The following DMTN variants were observed in gnomAD, a reference collection of about 807,000 sequenced individuals.
DMTN encodes dematin.
DMTN carries 27 observed loss-of-function variants against 59.4 expected under a neutral mutation model. The ratio of observed to expected loss-of-function variants is 0.45; its 90% confidence interval spans 0.33 to 0.63. DMTN has a LOEUF of 0.63. Ranked by LOEUF, DMTN falls within the 20% of genes least tolerant of loss-of-function variation. The pLI, the probability that DMTN is intolerant of heterozygous loss-of-function variation, is 0.02. For missense variants in DMTN, 451 were observed against 528.9 expected (o/e 0.85, Z 1.45); for synonymous variants, 221 against 203.7 (o/e 1.08, Z -0.72).
chr8:22,081,277 G>C lies in DMTN; in HGVS notation c.1105-73G>C, dbSNP rs149871008. The C allele has an allele frequency of 3.1e-6, 5 of 1,594,168 alleles. No homozygotes were observed. In the African/African-American group the frequency reaches 6.7e-5, roughly 21 times the overall value. ...GGGGGAAGATCTGGGGCCTCTATGAGTGAGTGTCCCCTAGGTCACTGGGCA... is the reference window on the plus strand; with the variant it reads ...GGGGGAAGATCTGGGGCCTCTATGACTGAGTGTCCCCTAGGTCACTGGGCA... On this transcript the variant is annotated intron_variant, in intron 15 of 15. Coordinates refer to ENST00000358242, the MANE Select transcript of DMTN (RefSeq NM_001387751.1).
rs1024551884 is a variant in DMTN at position 22,069,940 on chromosome 8, G to A, written c.451+3G>A. On this transcript the variant is annotated splice_donor_region_variant and intron_variant, in intron 7 of 15. Transcript: ENST00000358242. The stretch of plus-strand genomic sequence containing the variant: ...GCCTCCCATCTATAAGCAGAGAGGT[G>A]AGGGCGCCCCTGGCTCACCAGAGCC... The A allele has an allele frequency of 1.2e-6, 2 of 1,614,134 alleles. No homozygotes were observed. The highest frequency in any genetic ancestry group is 1.7e-6 in the Non-Finnish European group (2 of 1,179,986).
chr8:22,073,790 C>T lies in DMTN; in HGVS notation c.790C>T (p.Arg264Ter), dbSNP rs1817674201. The T allele has an allele frequency of 5.6e-6, 9 of 1,613,960 alleles. No individual in the cohort carries two copies. The highest frequency in any genetic ancestry group is 7.6e-6 in the Non-Finnish European group (9 of 1,180,036). The change falls in exon 10 of 16, where the codon CGA becomes TGA. Residue 264 changes from arginine to a stop codon, truncating the protein, a stop_gained. Coordinates refer to ENST00000358242, the MANE Select transcript of DMTN (RefSeq NM_001387751.1). LOFTEE classifies it high-confidence loss of function. Reference sequence around the variant, plus strand: ...AGAGATGGAAAAGTCATTGCCGATCCGAAGGAAAACCCGCTCTCTGCCTGA... The same window carrying T: ...AGAGATGGAAAAGTCATTGCCGATCTGAAGGAAAACCCGCTCTCTGCCTGA... ...KEEMEKSLPI[R>*]RKTRSLPDRT...
intron 1 of DMTN, among the ~76,000 whole-genome samples, chr8:22,062,724 A>G (rs1424170661): frequency 1.3e-5 from 2 of 149,368 alleles, no homozygotes; most frequent in African/African-American, 5.0e-5. Context: ...TTCGAGCTGG[A>G]GGAAAAGCAC....
At position 22,082,329 on chromosome 8, in the gene DMTN, C is replaced by T. The variant is rs1206095509; in HGVS notation, c.*866C>T. 2 of 431,234 alleles carry T rather than the reference C, an allele frequency of 4.6e-6. No individual in the cohort carries two copies. The highest frequency in any genetic ancestry group is 9.5e-6 in the Non-Finnish European group (2 of 211,584). The allele number at this position is 431,234 out of a possible 1,614,324, so 26.7% of individuals were successfully genotyped here. ...TATTGGGGCCCCCCCAGCTGCTTTC[C>T]TCACCTGCCCCTGCCCTACCTTACA... is the stretch of plus-strand genomic sequence containing the variant. On this transcript the variant is annotated 3_prime_UTR_variant, in exon 16 of 16. Coordinates refer to ENST00000358242, the MANE Select transcript of DMTN (RefSeq NM_001387751.1).
At chr8:22,073,863 C>T (rs754798903) in intron 10 of DMTN, 28 bp downstream of exon 10, 1 of 1,591,868 alleles carries the variant, frequency 6.3e-7, no homozygotes, top group Non-Finnish European at 8.6e-7. Flanking sequence ...GGCTCAGAGT[C>T]ACCTGGCCAG....
In DMTN at chr8:22,066,730, A is replaced by C. The variant is rs1412250884; in HGVS notation, c.-146A>C. 1.2e-6 allele frequency: 1 copy of C among 847,836 alleles called. No individual in the cohort carries two copies. The highest frequency in any genetic ancestry group is 1.6e-6 in the Non-Finnish European group (1 of 635,218). 52.5% of individuals were successfully genotyped at this position (847,836 alleles called of 1,614,324 possible). ...CCTGGAGAGTCACCGCCGAGGGATG[A>C]GGACGCGCCAGCCCGGGGGAACGCG... On this transcript the variant is annotated 5_prime_UTR_variant, in exon 2 of 16. Coordinates refer to ENST00000358242, the MANE Select transcript of DMTN (RefSeq NM_001387751.1).
upstream of DMTN, among the ~76,000 whole-genome samples, chr8:22,053,314 T>C (rs1327483923): frequency 6.6e-6 from 1 of 152,064 alleles, no homozygotes; most frequent in Non-Finnish European, 1.5e-5. Flanking sequence ...GAGTGGAGGC[T>C]CTAGGGTCTG....
At chr8:22,078,445 A>G (rs180942437) in intron 10 of DMTN, among the ~76,000 whole-genome samples, 33 of 149,500 alleles carry the variant, frequency 2.2e-4, no homozygotes, top group Non-Finnish European at 1.5e-5. Context: ...ATATATGTAT[A>G]TATTAAGATA....
intron 10 of DMTN, among the ~76,000 whole-genome samples, chr8:22,079,902 T>C (rs1823001043): frequency 6.6e-6 from 1 of 152,218 alleles, no homozygotes; most frequent in African/African-American, 2.4e-5. Context: ...TCTGGCTGAC[T>C]CAATTTTCAC....
chr8:22,080,570 C>G, intron 12 of DMTN, 48 bp from the exon 13 acceptor site: 5 of 1,613,042 alleles, frequency 3.1e-6, no homozygotes, highest in South Asian at 1.1e-5. Context: ...GCGTGTTGGC[C>G]TGCTGACCTC....
chr8:22,068,867 T>G, intron 4 of DMTN, 149 bp from the exon 5 acceptor site: 3 of 924,962 alleles, frequency 3.2e-6, no homozygotes, highest in Non-Finnish European at 5.3e-6. Flanking sequence ...CAGGGAACTG[T>G]GGGAAGGATC....
upstream of DMTN, among the ~76,000 whole-genome samples, chr8:22,051,258 C>T (rs1178891487): frequency 2.0e-5 from 3 of 152,176 alleles, no homozygotes; most frequent in East Asian, 5.8e-4. Flanking sequence ...TTACCAAGAA[C>T]TCTCACTAAG....
At chr8:22,073,874 A>C (rs947553725) in intron 10 of DMTN, 39 bp downstream of exon 10, 2 of 1,546,204 alleles carry the variant, frequency 1.3e-6, no homozygotes, top group Non-Finnish European at 8.9e-7. Flanking sequence ...ACCTGGCCAG[A>C]GATGGAGGCC....
intron 8 of DMTN, among the ~76,000 whole-genome samples, chr8:22,070,631 G>C (rs1399097167): frequency 2.0e-5 from 3 of 152,210 alleles, no homozygotes; most frequent in African/African-American, 7.2e-5. Flanking sequence ...GGAGCACTGG[G>C]AAAGAGAAAG....
chr8:22,072,179 C>G (rs1445672705), intron 8 of DMTN, 147 bp from the exon 9 acceptor site: 1 of 1,052,716 alleles, frequency 9.5e-7, no homozygotes, highest in African/African-American at 1.6e-5. Flanking sequence ...CATGAGTCAT[C>G]TACCGACCCT....
chr8:22,081,093 GCCCCTCC>G lies in DMTN; in HGVS notation c.1024-15_1024-9del. 6 of 1,572,580 alleles carry G rather than the reference GCCCCTCC, an allele frequency of 3.8e-6. No homozygotes were observed. The highest frequency in any genetic ancestry group is 5.2e-6 in the Non-Finnish European group (6 of 1,144,504). ...CAGGATATTCTGTGAGCCTAAGATT[GCCCCTCC>G]CCCCACCCCCAGATCTATCCCTATG... On this transcript the variant is annotated splice_polypyrimidine_tract_variant and intron_variant, in intron 14 of 15. Transcript: ENST00000358242.
chr8:22,069,959 C>G (rs112280872), intron 7 of DMTN, 22 bp downstream of exon 7: 6 of 1,613,298 alleles, frequency 3.7e-6, no homozygotes, highest in Non-Finnish European at 5.1e-6. Context: ...CCTGGCTCAC[C>G]AGAGCCTGCT....
chr8:22,064,043 G>GGGAT (rs1019624566), intron 1 of DMTN, among the ~76,000 whole-genome samples: 29 of 152,300 alleles, frequency 1.9e-4, no homozygotes, highest in Non-Finnish European at 2.6e-4. Context: ...TATGGATTCA[G>GGGAT]GGATGGATGG....
chr8:22,060,364 T>C lies in DMTN; in HGVS notation c.-172+3228T>C, dbSNP rs557655509. Among the ~76,000 whole-genome samples, 1 of 151,990 alleles carries C rather than the reference T, an allele frequency of 6.6e-6. No homozygotes were observed. Among genetic ancestry groups the C allele is most frequent in the Non-Finnish European group, 1.5e-5 (1 of 68,010 alleles). On this transcript the variant is annotated intron_variant, in intron 1 of 15. Coordinates refer to ENST00000358242, the MANE Select transcript of DMTN (RefSeq NM_001387751.1). This position sits in a 1 kb window ranked among gnomAD's most constrained non-coding sequence, Gnocchi z 5.0. ...TGTGGGTGGAGTAGGCAGGGTGTGA[T>C]TTGAGAGAAGCCAAGGAAACTCTCT...
Sources: allele counts gnomAD v4.1 joint callset (sites outside exome capture counted in the v4.1 genomes callset), GRCh38; gene constraint gnomAD v4.1.1; non-coding constraint Gnocchi (gnomAD v3.1); transcripts MANE v1.5; gene names NCBI Gene and HGNC (gene_info 2026-07-23, HGNC 2026-07-21).